Variants in FSTL5 observed in about 807,000 individuals in gnomAD.
FSTL5 encodes follistatin like 5, also known as follistatin-related protein 5.
FSTL5 carries 62 observed loss-of-function variants against 89.1 expected under a neutral mutation model. The observed-to-expected ratio is 0.70, with a 90% confidence interval of 0.57 to 0.86. The LOEUF (loss-of-function observed/expected upper bound fraction) is 0.86, where lower values mean the gene tolerates loss of function less well. Among genes scored for constraint, FSTL5 ranks in the 40% least tolerant of loss-of-function variants. The pLI is 0.00. For missense variants in FSTL5, 1,057 were observed against 1,001.6 expected (o/e 1.06, Z -0.75); for synonymous variants, 383 against 346.2 (o/e 1.11, Z -1.18).
chr4:162,154,279 T>C (rs1206171274), intron 1 of FSTL5, among the ~76,000 whole-genome samples: 5 of 152,110 alleles, frequency 3.3e-5, no homozygotes, highest in Non-Finnish European at 5.9e-5. Flanking sequence ...TTAATGTTAG[T>C]AAAAATCATT....
At chr4:161,801,490 G>A (rs988481886) in intron 4 of FSTL5, among the ~76,000 whole-genome samples, 8 of 151,442 alleles carry the variant, frequency 5.3e-5, no homozygotes, top group Middle Eastern at 3.4e-3. Context: ...GCAATTTCAT[G>A]AGAGCCTTCT....
At chr4:162,012,327 A>G (rs78192129) in intron 3 of FSTL5, among the ~76,000 whole-genome samples, 16,260 of 152,220 alleles carry the variant, frequency 0.11, 907 homozygotes, top group Non-Finnish European at 0.13. Context: ...CTGTAAAAAT[A>G]CTGAATTTTA....
intron 15 of FSTL5, among the ~76,000 whole-genome samples, chr4:161,418,793 C>G (rs1731879143): frequency 6.6e-6 from 1 of 152,082 alleles, no homozygotes; most frequent in South Asian, 2.1e-4. Context: ...AAATATTAGT[C>G]AGATAAAGAC....
chr4:161,767,682 T>C (rs187044068), intron 5 of FSTL5, among the ~76,000 whole-genome samples: 63 of 152,276 alleles, frequency 4.1e-4, no homozygotes, highest in Admixed American at 1.0e-3. Context: ...GCAAATGGAA[T>C]AGCAAGTATT....
At chr4:162,143,291 A>G (rs1732821978) in intron 1 of FSTL5, among the ~76,000 whole-genome samples, 1 of 152,102 alleles carries the variant, frequency 6.6e-6, no homozygotes, top group Non-Finnish European at 1.5e-5. Context: ...CTTGATTTAT[A>G]TTTAGGCATT....
intron 14 of FSTL5, among the ~76,000 whole-genome samples, chr4:161,455,582 A>G (rs893050020): frequency 6.6e-5 from 10 of 152,134 alleles, no homozygotes; most frequent in Admixed American, 1.3e-4. Flanking sequence ...AATACATAAA[A>G]CCATATTTTA....
intron 7 of FSTL5, among the ~76,000 whole-genome samples, chr4:161,626,173 G>A (rs2126651053): frequency 6.6e-6 from 1 of 152,234 alleles, no homozygotes; most frequent in South Asian, 2.1e-4. Flanking sequence ...TATTTTTAAT[G>A]TAGACAAAAC....
At chr4:161,646,062 A>T (rs935788755) in intron 7 of FSTL5, among the ~76,000 whole-genome samples, 1 of 150,842 alleles carries the variant, frequency 6.6e-6, no homozygotes, top group African/African-American at 2.4e-5. Context: ...GTTAAAAAAA[A>T]TTTTGCAGAT....
intron 3 of FSTL5, among the ~76,000 whole-genome samples, chr4:162,029,201 A>G (rs917790796): frequency 6.6e-6 from 1 of 151,436 alleles, no homozygotes; most frequent in African/African-American, 2.4e-5. Context: ...GTGTGTGTGT[A>G]GACTGCAGGC....
In FSTL5 at chr4:161,587,590, A is replaced by G; in HGVS notation, c.895-15T>C. On this transcript the variant is annotated splice_polypyrimidine_tract_variant and intron_variant, in intron 7 of 15. Coordinates refer to ENST00000306100, the MANE Select transcript of FSTL5 (RefSeq NM_020116.5). ...TCTCCAAAGTCCTATTAAAAATAAA[A>G]TAAAACAAGGTGTTTGCATTTTGAA... 1 of 1,581,382 alleles carries G rather than the reference A, an allele frequency of 6.3e-7. No homozygotes were observed. The highest frequency in any genetic ancestry group is 8.6e-7 in the Non-Finnish European group (1 of 1,162,656).
At chr4:161,482,271 G>A (rs377625129) in intron 12 of FSTL5, among the ~76,000 whole-genome samples, 35 of 152,068 alleles carry the variant, frequency 2.3e-4, no homozygotes, top group African/African-American at 5.8e-4. Flanking sequence ...AGCCAAGATC[G>A]CGCCACTGCA....
At chr4:161,947,060 T>C (rs528663662) in intron 3 of FSTL5, among the ~76,000 whole-genome samples, 10 of 152,210 alleles carry the variant, frequency 6.6e-5, no homozygotes, top group Non-Finnish European at 2.9e-5. Context: ...TCCAGATGTA[T>C]TGGGTCTGAT....
chr4:162,070,406 T>A (rs1478251926), intron 2 of FSTL5, among the ~76,000 whole-genome samples: 1 of 151,930 alleles, frequency 6.6e-6, no homozygotes, highest in Non-Finnish European at 1.5e-5. Context: ...TCTGAAGTCT[T>A]ACTCATAAAA....
chr4:161,692,998 G>A (rs1430559826), intron 6 of FSTL5, among the ~76,000 whole-genome samples: 1 of 151,976 alleles, frequency 6.6e-6, no homozygotes, highest in Non-Finnish European at 1.5e-5. Flanking sequence ...CTGGGATTAC[G>A]GGTGTGAGCC....
At chr4:161,853,007 G>A (rs900884846) in intron 4 of FSTL5, among the ~76,000 whole-genome samples, 1 of 152,126 alleles carries the variant, frequency 6.6e-6, no homozygotes, top group Non-Finnish European at 1.5e-5. Context: ...AAAAGTTGAA[G>A]GGAAAGAAAG....
At chr4:162,057,581 C>T (rs1738586834) in intron 2 of FSTL5, among the ~76,000 whole-genome samples, 1 of 152,144 alleles carries the variant, frequency 6.6e-6, no homozygotes, top group Admixed American at 6.5e-5. Flanking sequence ...ATTTATTAAG[C>T]ATTCCTATCA....
chr4:161,791,132 C>A (rs978660419), intron 4 of FSTL5, among the ~76,000 whole-genome samples: 10 of 151,416 alleles, frequency 6.6e-5, no homozygotes, highest in African/African-American at 2.4e-4. Flanking sequence ...AAATTTAGCA[C>A]TTAATTTGTG....
At chr4:161,592,467 C>A (rs1277004740) in intron 7 of FSTL5, among the ~76,000 whole-genome samples, 3 of 151,436 alleles carry the variant, frequency 2.0e-5, no homozygotes, top group Non-Finnish European at 4.4e-5. Context: ...ATGTTCCCTG[C>A]CCTGTGTCCA....
intron 3 of FSTL5, among the ~76,000 whole-genome samples, chr4:161,989,655 T>C (rs996082966): frequency 9.9e-5 from 15 of 152,144 alleles, no homozygotes; most frequent in African/African-American, 3.4e-4. Flanking sequence ...ACATACTACG[T>C]GAGTCCACTA....
Sources: gnomAD v4.1 joint callset for allele counts (sites outside exome capture counted in the v4.1 genomes callset) on GRCh38, gnomAD v4.1.1 for gene constraint, MANE v1.5 for transcripts, NCBI Gene and HGNC (gene_info 2026-07-23, HGNC 2026-07-21) for gene names.